Variants in PJA2 observed in about 807,000 individuals in gnomAD.
PJA2 encodes the protein praja ring finger ubiquitin ligase 2.
Under a neutral mutation model 69.3 loss-of-function variants are expected in PJA2, and 25 were observed. The observed-to-expected ratio is 0.36, with a 90% CI of 0.26 to 0.50. PJA2 has a LOEUF of 0.50. Among genes scored for constraint, PJA2 ranks in the 20% least tolerant of loss-of-function variants. The pLI is 0.96. For synonymous variants in PJA2, 308 were observed against 277.8 expected (o/e 1.11, Z -1.08); for missense variants, 809 against 830.2 (o/e 0.97, Z 0.31).
At chr5:109,341,212 C>T (rs1222207620) in intron 9 of PJA2, among the ~76,000 whole-genome samples, 2 of 138,164 alleles carry the variant, frequency 1.4e-5, no homozygotes, top group African/African-American at 5.3e-5. Context: ...TCTTCCCAGC[C>T]GCCATCACAT....
chr5:109,339,540 T>C (rs2126983147), intron 9 of PJA2, among the ~76,000 whole-genome samples: 1 of 152,316 alleles, frequency 6.6e-6, no homozygotes, highest in Admixed American at 6.5e-5. Context: ...GAAGGTCTAA[T>C]GTATGGGAGT....
chr5:109,352,343 A>G (rs1424491680), intron 7 of PJA2, among the ~76,000 whole-genome samples: 1 of 152,194 alleles, frequency 6.6e-6, no homozygotes, highest in Non-Finnish European at 1.5e-5. Flanking sequence ...TTATCTCCAT[A>G]TTGTAGGAAA....
intron 6 of PJA2, among the ~76,000 whole-genome samples, chr5:109,362,123 A>G (rs183605116): frequency 6.6e-6 from 1 of 152,352 alleles, no homozygotes; most frequent in Non-Finnish European, 1.5e-5. Context: ...GTGTAAATAC[A>G]CCAAGATATC....
intron 1 of PJA2, among the ~76,000 whole-genome samples, chr5:109,391,423 T>C (rs1194169444): frequency 6.6e-6 from 1 of 152,202 alleles, no homozygotes; most frequent in Non-Finnish European, 1.5e-5. Flanking sequence ...TGCTTCTGTC[T>C]GTCTAAAATT....
intron 1 of PJA2, among the ~76,000 whole-genome samples, chr5:109,407,666 G>C (rs1582636899): frequency 6.6e-6 from 1 of 152,024 alleles, no homozygotes; most frequent in African/African-American, 2.4e-5. Flanking sequence ...AAAATAATCT[G>C]ATACATGATA....
At chr5:109,388,192 T>C (rs945363603) in intron 1 of PJA2, among the ~76,000 whole-genome samples, 7 of 151,920 alleles carry the variant, frequency 4.6e-5, no homozygotes, top group Non-Finnish European at 8.8e-5. Context: ...CATCATGATA[T>C]CACTCAAGTA....
chr5:109,359,323 T>C (rs1762474257), intron 6 of PJA2, among the ~76,000 whole-genome samples: 1 of 152,208 alleles, frequency 6.6e-6, no homozygotes, highest in South Asian at 2.1e-4. Flanking sequence ...GTTAACCTTC[T>C]GAAGAGTCAA....
intron 1 of PJA2, among the ~76,000 whole-genome samples, chr5:109,395,001 C>T (rs1747375068): frequency 6.6e-6 from 1 of 152,166 alleles, no homozygotes; most frequent in African/African-American, 2.4e-5. Flanking sequence ...GCAATTCATA[C>T]TATCTGTATG....
chr5:109,396,000 C>CAAAAAAAAAAA (rs368922382), intron 1 of PJA2, among the ~76,000 whole-genome samples: 1 of 107,922 alleles, frequency 9.3e-6, no homozygotes, highest in Non-Finnish European at 1.7e-5. Flanking sequence ...AACTCTATCT[C>CAAAAAAAAAAA]AAAAAAAAAA....
At position 109,349,380 on chromosome 5, in the gene PJA2, C is replaced by G. The variant is rs7717746; in HGVS notation, c.1765-4561G>C. Among the ~76,000 whole-genome samples, 559 of 152,262 alleles carry G rather than the reference C, an allele frequency of 3.7e-3. 5 individuals are homozygous for G. The highest frequency in any genetic ancestry group is 0.013 in the African/African-American group (535 of 41,558). ...GGAGGAAAGGGCCTTCCTTCTGTCC[C>G]AGTGTGCTTGCTTGACAGAGCACAC... On this transcript the variant is annotated intron_variant, in intron 7 of 9. Coordinates refer to ENST00000361189, the MANE Select transcript of PJA2 (RefSeq NM_014819.5).
At chr5:109,405,320 T>C (rs1234787887) in intron 1 of PJA2, among the ~76,000 whole-genome samples, 1 of 152,240 alleles carries the variant, frequency 6.6e-6, no homozygotes, top group African/African-American at 2.4e-5. Context: ...TATTCATGAA[T>C]TGGAAGACTC....
At chr5:109,400,925 G>A (rs1747530302) in intron 1 of PJA2, among the ~76,000 whole-genome samples, 1 of 152,200 alleles carries the variant, frequency 6.6e-6, no homozygotes, top group Non-Finnish European at 1.5e-5. Context: ...AGAGCTTGCA[G>A]TGAGCCGAGA....
At chr5:109,376,619 A>G (rs1000999780) in intron 4 of PJA2, among the ~76,000 whole-genome samples, 1 of 152,270 alleles carries the variant, frequency 6.6e-6, no homozygotes, top group Non-Finnish European at 1.5e-5. Flanking sequence ...TTAAAGAAGA[A>G]AAAGTGTAAC....
intron 1 of PJA2, among the ~76,000 whole-genome samples, chr5:109,397,813 G>C (rs1426585719): frequency 6.6e-6 from 1 of 152,074 alleles, no homozygotes; most frequent in Admixed American, 6.6e-5. Flanking sequence ...CGTGAGCCAC[G>C]GTGAACGGCC....
At position 109,378,221 on chromosome 5, in the gene PJA2, A is replaced by G. The variant is rs1379465631; in HGVS notation, c.1266T>C (p.Tyr422=). The change falls in exon 4 of 10, where the codon TAT becomes TAC. Residue 422 remains tyrosine, a synonymous_variant. Transcript: ENST00000361189. The stretch of plus-strand genomic sequence containing the variant: ...GACCTTACCTATCTTCATCTTTGTC[A>G]TAGAGTTGGTAATAATCTCCACAGC... The part of the protein sequence containing the change: ...WNGCGDYYQL[Y]DKDEDSSECS... 6.2e-7 allele frequency: 1 copy of G among 1,611,864 alleles called. No homozygotes were observed. Among genetic ancestry groups the G allele is most frequent in the African/African-American group, 1.3e-5 (1 of 74,898 alleles).
At chr5:109,344,345 G>C (rs757323514) in intron 8 of PJA2, 34 bp from the exon 9 acceptor site, 1 of 1,562,722 alleles carries the variant, frequency 6.4e-7, no homozygotes, top group Non-Finnish European at 8.6e-7. Flanking sequence ...TCAATCACAC[G>C]TAGTTCAATT....
intron 5 of PJA2, among the ~76,000 whole-genome samples, chr5:109,364,041 G>A (rs909675765): frequency 3.3e-5 from 5 of 152,116 alleles, no homozygotes; most frequent in Non-Finnish European, 5.9e-5. Context: ...TACTCAGGAA[G>A]CTGAGGCATG....
In PJA2 at chr5:109,378,628, C is replaced by A. The variant is rs144230886; in HGVS notation, c.859G>T (p.Ala287Ser). ...CTACAAATATGCCCTGGACCACAGG[C>A]TGCATCTTCAGGTGAATGTTCTGTC... Reference protein sequence around the residue: ...RQTEHSPEDAACGPGHICSEQ... With the variant: ...RQTEHSPEDASCGPGHICSEQ... The change falls in exon 4 of 10, where the codon GCC (alanine) becomes TCC (serine). Residue 287 changes from alanine (A) to serine (S), a missense_variant. This residue lies in a region of PJA2 where 700 missense variants were observed against 639.5 expected (regional missense o/e 1.09). Coordinates refer to ENST00000361189, the MANE Select transcript of PJA2 (RefSeq NM_014819.5). 69 of 1,614,146 alleles carry A rather than the reference C, an allele frequency of 4.3e-5. No homozygotes were observed. The African/African-American group carries it at 7.6e-4, about 18-fold the overall frequency.
At chr5:109,350,142 G>A (rs549931211) in intron 7 of PJA2, among the ~76,000 whole-genome samples, 1 of 152,210 alleles carries the variant, frequency 6.6e-6, no homozygotes, top group South Asian at 2.1e-4. Context: ...CATATTTGCA[G>A]TGCTAGTAAC....
Sources: gnomAD v4.1 joint callset for allele counts (sites outside exome capture counted in the v4.1 genomes callset) on GRCh38, gnomAD v4.1.1 for gene constraint, gnomAD v4.1.1 regional missense constraint, MANE v1.5 for transcripts, NCBI Gene and HGNC (gene_info 2026-07-23, HGNC 2026-07-21) for gene names.